The following RNF169 variants were observed in gnomAD, a reference collection of about 807,000 sequenced individuals.
RNF169 encodes the protein ring finger protein 169, also known as E3 ubiquitin-protein ligase RNF169.
A neutral mutation model predicts 53.9 loss-of-function variants in RNF169; 24 were observed. The observed-to-expected ratio is 0.45, with a 90% CI of 0.32 to 0.63. The LOEUF is 0.63. Ranked by LOEUF, RNF169 falls within the 20% of genes least tolerant of loss-of-function variation. The probability of loss-of-function intolerance (pLI) is 0.04; values close to 1 mark genes in which losing one functional copy is unlikely to be tolerated. For missense variants in RNF169, 883 were observed against 906.2 expected (o/e 0.97, Z 0.33); for synonymous variants, 396 against 363.5 (o/e 1.09, Z -1.02).
In RNF169 at chr11:74,785,276, G is replaced by GAT. The variant is rs1299751308; in HGVS notation, c.503-4341_503-4340dup. 1.3e-4 allele frequency among the ~76,000 whole-genome samples: 18 copies of GAT among 135,564 alleles called. No homozygotes were observed. The East Asian group carries it at 1.5e-3, about 11-fold the overall frequency. 88.9% of individuals were successfully genotyped at this position (135,564 alleles called of 152,430 possible). On this transcript the variant is annotated intron_variant, in intron 1 of 5. Transcript: ENST00000299563. ...TTAGATATATATGTTATATATATTA[G>GAT]ATATATATATGTTATATATATTAGA...
Position 74,810,276 on chromosome 11 carries a change from G to T in RNF169, c.669G>T (p.Met223Ile), listed in dbSNP as rs767427782. Reference sequence around the variant, plus strand: ...ATACAGAAACAGGGAAAAGGAAAATGGATGAACAGAAAAAAAGAGATGAAC... The same window carrying T: ...ATACAGAAACAGGGAAAAGGAAAATTGATGAACAGAAAAAAAGAGATGAAC... ...PEDTETGKRK[M>I]DEQKKRDEPL... is the part of the protein sequence containing the mutation. Residue 223 changes from methionine to isoleucine, a missense_variant, in exon 3 of 6, where the codon ATG becomes ATT. Physicochemically the swap from Met to Ile is conservative, Grantham distance 10. This residue lies in a region of RNF169 where 219 missense variants were observed against 289.1 expected (regional missense o/e 0.76). Transcript: ENST00000299563. The T allele has an allele frequency of 7.4e-6, 12 of 1,613,674 alleles. No homozygotes were observed. Among genetic ancestry groups the T allele is most frequent in the Non-Finnish European group, 1.0e-5 (12 of 1,179,818 alleles).
At chr11:74,798,255 A>T (rs1677090677) in intron 2 of RNF169, among the ~76,000 whole-genome samples, 1 of 152,238 alleles carries the variant, frequency 6.6e-6, no homozygotes. Context: ...TTCTTTCAAA[A>T]GCAAATGGGA....
At position 74,789,617 on chromosome 11, in the gene RNF169, T is replaced by C; in HGVS notation, c.503-9T>C. On this transcript the variant is annotated splice_polypyrimidine_tract_variant and intron_variant, in intron 1 of 5. Transcript: ENST00000299563. ...TCTTAAAAAGTATTTTCTTTTCCCT[T>C]TCTTTCAGACTTTATATTCAGAGCA... 6.3e-7 allele frequency: 1 copy of C among 1,594,762 alleles called. No homozygotes were observed. Among genetic ancestry groups the C allele is most frequent in the Non-Finnish European group, 8.6e-7 (1 of 1,165,376 alleles).
At chr11:74,762,465 T>C (rs928393393) in intron 1 of RNF169, among the ~76,000 whole-genome samples, 1 of 152,230 alleles carries the variant, frequency 6.6e-6, no homozygotes, top group Non-Finnish European at 1.5e-5. Flanking sequence ...ATGATGGTGA[T>C]GTACAGATGG....
chr11:74,816,162 C>T (rs1024770111), intron 3 of RNF169, among the ~76,000 whole-genome samples: 12 of 152,188 alleles, frequency 7.9e-5, no homozygotes, highest in African/African-American at 2.7e-4. Flanking sequence ...TTCAGGAATG[C>T]AGGGTACTCG....
intron 1 of RNF169, among the ~76,000 whole-genome samples, chr11:74,762,606 G>A (rs185954248): frequency 1.2e-4 from 18 of 152,280 alleles, no homozygotes; most frequent in South Asian, 2.1e-4. Context: ...GCTGTAGACC[G>A]GAGCTGTTCC....
intron 4 of RNF169, among the ~76,000 whole-genome samples, chr11:74,833,079 C>T (rs2036203815): frequency 1.3e-5 from 2 of 152,106 alleles, no homozygotes; most frequent in African/African-American, 4.8e-5. Context: ...ACAGGCTGGC[C>T]ACCTCTTTCT....
intron 2 of RNF169, among the ~76,000 whole-genome samples, chr11:74,807,272 A>G (rs564099392): frequency 1.3e-5 from 2 of 152,262 alleles, no homozygotes; most frequent in East Asian, 1.9e-4. Context: ...ACTTTGGTCA[A>G]TGGGATGTGG....
At chr11:74,772,263 C>T (rs550383757) in intron 1 of RNF169, among the ~76,000 whole-genome samples, 1 of 152,154 alleles carries the variant, frequency 6.6e-6, no homozygotes, top group Non-Finnish European at 1.5e-5. Flanking sequence ...GGATTTGAAT[C>T]TCAGTTCTGC....
At chr11:74,775,006 G>C (rs984228818) in intron 1 of RNF169, among the ~76,000 whole-genome samples, 3 of 152,116 alleles carry the variant, frequency 2.0e-5, no homozygotes, top group East Asian at 1.9e-4. Context: ...CAGAAACAGT[G>C]AATATAACAT....
At position 74,749,333 on chromosome 11, in the gene RNF169, C is replaced by G; in HGVS notation, c.453C>G (p.Ala151=). The part of the protein sequence containing the change: ...CRPRRDGGAA[A]AGPRPEQEPR... The stretch of plus-strand genomic sequence containing the variant: ...CGCGCCGGGACGGGGGCGCGGCTGC[C>G]GCGGGGCCCAGGCCAGAGCAGGAGC... Residue 151 remains alanine, a synonymous_variant, in exon 1 of 6, where the codon GCC becomes GCG. Transcript: ENST00000299563. The G allele has an allele frequency of 8.3e-7, 1 of 1,209,346 alleles. No individual in the cohort carries two copies. Among genetic ancestry groups the G allele is most frequent in the Non-Finnish European group, 1.0e-6 (1 of 973,912 alleles). The allele number at this position is 1,209,346 out of a possible 1,614,324, so 74.9% of individuals were successfully genotyped here. A position where few individuals can be genotyped will look rare whatever the true frequency, so the allele number is the denominator to read the frequency against.
rs2135157960 is a variant in RNF169, at chr11:74,837,642, T to C, written c.*912T>C. ...CTGCTTTTCTGGGGGTTTCAGCCTA[T>C]GAGACAAACTATAATCAGGCTTCAT... On this transcript the variant is annotated 3_prime_UTR_variant, in exon 6 of 6. Coordinates refer to ENST00000299563, the MANE Select transcript of RNF169 (RefSeq NM_001098638.2). 1 of 152,364 alleles carries C rather than the reference T, an allele frequency of 6.6e-6. No homozygotes were observed. The highest frequency in any genetic ancestry group is 2.4e-5 in the African/African-American group (1 of 41,592). The allele number at this position is 152,364 out of a possible 1,614,324, so 9.4% of individuals were successfully genotyped here. A position where few individuals can be genotyped will look rare whatever the true frequency, so the allele number is the denominator to read the frequency against.
chr11:74,802,926 T>TG (rs2035752993), intron 2 of RNF169, among the ~76,000 whole-genome samples: 12 of 137,880 alleles, frequency 8.7e-5, no homozygotes, highest in Non-Finnish European at 1.8e-4. Flanking sequence ...GTAATTTTTT[T>TG]TGGGGGGGGG....
chr11:74,803,843 G>A (rs1404283974), intron 2 of RNF169, among the ~76,000 whole-genome samples: 1 of 152,188 alleles, frequency 6.6e-6, no homozygotes, highest in Non-Finnish European at 1.5e-5. Flanking sequence ...ATGAGGAAAT[G>A]AGCATTATTC....
intron 1 of RNF169, among the ~76,000 whole-genome samples, chr11:74,757,274 T>C (rs1291943571): frequency 8.2e-6 from 1 of 122,326 alleles, no homozygotes; most frequent in Non-Finnish European, 1.7e-5. Flanking sequence ...TGCGATAGTT[T>C]ACTGAGAATG....
chr11:74,836,660 CTG>C lies in RNF169; in HGVS notation c.2060_2061del (p.Val687GlufsTer35). 1.2e-6 allele frequency: 2 copies of C among 1,613,876 alleles called. No homozygotes were observed. Among genetic ancestry groups the C allele is most frequent in the South Asian group, 2.2e-5 (2 of 91,082 alleles). ...CGCATGTTCGACAATGAGAGGCGGA[CTG>C]TGAGCCGGCGAAAAGGAAGTGTGGA... On this transcript the variant is annotated frameshift_variant, in exon 6 of 6. Transcript: ENST00000299563. LOFTEE classifies it high-confidence loss of function.
chr11:74,819,886 G>A (rs1035382382), intron 4 of RNF169, among the ~76,000 whole-genome samples: 1 of 152,124 alleles, frequency 6.6e-6, no homozygotes, highest in East Asian at 1.9e-4. Flanking sequence ...TAGCTACATT[G>A]TTTTGTTTTC....
At chr11:74,770,213 C>T (rs2035239841) in intron 1 of RNF169, among the ~76,000 whole-genome samples, 1 of 152,260 alleles carries the variant, frequency 6.6e-6, no homozygotes, top group Non-Finnish European at 1.5e-5. Context: ...GTTCAGGGTA[C>T]TCTTGGAGAG....
At chr11:74,833,625 CTG>C (rs1285365929) in intron 4 of RNF169, among the ~76,000 whole-genome samples, 3 of 152,162 alleles carry the variant, frequency 2.0e-5, no homozygotes, top group Admixed American at 6.5e-5. Flanking sequence ...AAGATCTAGA[CTG>C]TGTCTCATTC....
Sources: allele counts gnomAD v4.1 joint callset (sites outside exome capture counted in the v4.1 genomes callset), GRCh38; gene constraint gnomAD v4.1.1; regional missense constraint gnomAD v4.1.1; transcripts MANE v1.5; gene names NCBI Gene and HGNC (gene_info 2026-07-23, HGNC 2026-07-21).